Variants in DNAH9 observed in about 807,000 individuals in gnomAD.
The protein encoded by DNAH9 is DNAH9 variant protein.
A neutral mutation model predicts 471.6 loss-of-function variants in DNAH9; 345 were observed. The observed-to-expected ratio is 0.73, with a 90% CI of 0.67 to 0.80. The LOEUF (loss-of-function observed/expected upper bound fraction) is 0.80. Among genes scored for constraint, DNAH9 ranks in the 30% least tolerant of loss-of-function variants. The pLI, the probability that DNAH9 is intolerant of heterozygous loss-of-function variation, is 0.00. For missense variants in DNAH9, 5,407 were observed against 5,609.2 expected (o/e 0.96, Z 1.15); for synonymous variants, 2,093 against 2,123.6 (o/e 0.99, Z 0.40).
At chr17:11,771,797 A>C (rs1052042210) in intron 38 of DNAH9, among the ~76,000 whole-genome samples, 40 of 152,208 alleles carry the variant, frequency 2.6e-4, no homozygotes, top group African/African-American at 9.4e-4. Context: ...ACTAATAATA[A>C]TAATAATAGC....
intron 4 of DNAH9, among the ~76,000 whole-genome samples, chr17:11,613,849 TA>T (rs1343989770): frequency 4.6e-5 from 7 of 152,212 alleles, no homozygotes; most frequent in Non-Finnish European, 8.8e-5. Flanking sequence ...AAAGATGTAG[TA>T]AAAATATATT....
intron 54 of DNAH9, among the ~76,000 whole-genome samples, chr17:11,880,957 C>T (rs1466431660): frequency 6.6e-6 from 1 of 152,156 alleles, no homozygotes; most frequent in Non-Finnish European, 1.5e-5. Flanking sequence ...TACTAATCTA[C>T]ATTGACACAA....
At chr17:11,851,031 A>G (rs1329866817) in intron 49 of DNAH9, among the ~76,000 whole-genome samples, 1 of 152,168 alleles carries the variant, frequency 6.6e-6, no homozygotes, top group East Asian at 1.9e-4. Context: ...ATGGGAAATG[A>G]CTAAGAAGGG....
intron 14 of DNAH9, among the ~76,000 whole-genome samples, chr17:11,658,421 G>A (rs191980818): frequency 5.1e-4 from 78 of 152,124 alleles, no homozygotes; most frequent in African/African-American, 1.7e-3. Context: ...GTAAATTTAG[G>A]ATGATGATCT....
At chr17:11,853,855 T>G in intron 49 of DNAH9, 148 bp from the exon 50 acceptor site, 1 of 713,846 alleles carries the variant, frequency 1.4e-6, no homozygotes, top group Non-Finnish European at 2.3e-6. Context: ...TTCCTTTTGA[T>G]GAGTCATGAT....
In DNAH9 at chr17:11,678,117, A is replaced by G. The variant is rs532920920; in HGVS notation, c.3354-1640A>G. The stretch of plus-strand genomic sequence containing the variant: ...GTCGCCCAGGCTGGAGTGCAGTGGC[A>G]TGATCTCAACTCACTGCAACCTCTC... On this transcript the variant is annotated intron_variant, in intron 17 of 68. Transcript: ENST00000262442. 1.2e-4 allele frequency among the ~76,000 whole-genome samples: 18 copies of G among 152,156 alleles called. No homozygotes were observed. In the South Asian group the frequency reaches 3.7e-3, roughly 32 times the overall value.
intron 8 of DNAH9, among the ~76,000 whole-genome samples, chr17:11,633,246 T>C (rs745459700): frequency 1.3e-5 from 2 of 152,192 alleles, no homozygotes; most frequent in Non-Finnish European, 2.9e-5. Context: ...ACATGAAGAC[T>C]CAGTGGAGCA....
At position 11,679,881 on chromosome 17, in the gene DNAH9, A is replaced by T. The variant is rs2074105377; in HGVS notation, c.3478A>T (p.Ser1160Cys). 1 of 1,614,032 alleles carries T rather than the reference A, an allele frequency of 6.2e-7. No individual in the cohort carries two copies. Among genetic ancestry groups the T allele is most frequent in the African/African-American group, 1.3e-5 (1 of 74,934 alleles). Reference protein sequence around the residue: ...GHLMAVKERQSNTDEMFEPLK... With the variant: ...GHLMAVKERQCNTDEMFEPLK... ...CCTTATGGCTGTTAAAGAACGGCAG[A>T]GTAACACTGATGAGATGTTTGAGCC... Residue 1160 changes from serine (S) to cysteine (C), a missense_variant, in exon 18 of 69, where the codon AGT becomes TGT. Physicochemically the swap from Ser to Cys is moderately radical, Grantham distance 112 (BLOSUM62 -1). Transcript: ENST00000262442.
chr17:11,811,689 T>C (rs1405787122), intron 45 of DNAH9, among the ~76,000 whole-genome samples: 3 of 152,098 alleles, frequency 2.0e-5, no homozygotes, highest in South Asian at 2.1e-4. Flanking sequence ...TCCTACCTCG[T>C]CTCTACCTAG....
intron 14 of DNAH9, among the ~76,000 whole-genome samples, chr17:11,662,198 A>T (rs188104525): frequency 1.1e-4 from 16 of 152,256 alleles, no homozygotes; most frequent in Admixed American, 1.0e-3. Flanking sequence ...CTCTATATGT[A>T]ATGTATTATT....
chr17:11,868,359 T>G (rs1232733049), intron 50 of DNAH9, among the ~76,000 whole-genome samples: 1 of 152,150 alleles, frequency 6.6e-6, no homozygotes, highest in Non-Finnish European at 1.5e-5. Context: ...TGCACAGACC[T>G]GAGATGTATT....
At chr17:11,747,883 G>C (rs186996230) in intron 32 of DNAH9, 117 bp downstream of exon 32, 21 of 929,244 alleles carry the variant, frequency 2.3e-5, no homozygotes, top group African/African-American at 3.3e-5. Context: ...GTTTGGAACC[G>C]CGGAGGGAGA....
At chr17:11,701,288 T>TCCCATTAGGA in intron 24 of DNAH9, 41 bp downstream of exon 24, 1 of 1,605,788 alleles carries the variant, frequency 6.2e-7, no homozygotes, top group Admixed American at 1.7e-5. Flanking sequence ...TGGTTGGGGC[T>TCCCATTAGGA]GTCTTCCTCC....
intron 4 of DNAH9, chr17:11,612,551 T>A (rs2072660631): frequency 6.6e-6 from 1 of 152,272 alleles, no homozygotes; most frequent in Non-Finnish European, 1.5e-5. Flanking sequence ...AGCTCCATTC[T>A]GCATTTTCTA....
intron 66 of DNAH9, among the ~76,000 whole-genome samples, chr17:11,940,208 TGAAA>T (rs979933752): frequency 2.6e-5 from 4 of 152,236 alleles, no homozygotes; most frequent in Admixed American, 6.5e-5. Context: ...TCCTCCTATC[TGAAA>T]GAGTCTCTGG....
intron 28 of DNAH9, among the ~76,000 whole-genome samples, chr17:11,733,460 C>G (rs72810893): frequency 1.4e-3 from 216 of 152,330 alleles, no homozygotes; most frequent in Admixed American, 3.8e-3. Flanking sequence ...ATGTCATCCT[C>G]ATGCAAGAAA....
In DNAH9 at chr17:11,883,700, G is replaced by T. The variant is rs1028748221; in HGVS notation, c.10921G>T (p.Val3641Leu). 1 of 1,614,016 alleles carries T rather than the reference G, an allele frequency of 6.2e-7. No individual in the cohort carries two copies. The highest frequency in any genetic ancestry group is 1.3e-5 in the African/African-American group (1 of 74,930). ...SGNFLGETVL[V>L]ENLEITKQTA... ...GAACTTCCTGGGAGAAACAGTGCTGGTGGAAAACCTAGAGATCACCAAGCA... is the reference window on the plus strand; with the variant it reads ...GAACTTCCTGGGAGAAACAGTGCTGTTGGAAAACCTAGAGATCACCAAGCA... Residue 3641 changes from valine to leucine, a missense_variant, in exon 56 of 69, where the codon GTG becomes TTG. By Grantham distance (32) the Val-to-Leu change is conservative. Coordinates refer to ENST00000262442, the MANE Select transcript of DNAH9 (RefSeq NM_001372.4).
chr17:11,765,373 T>G (rs1401201917), intron 36 of DNAH9, among the ~76,000 whole-genome samples: 2 of 152,228 alleles, frequency 1.3e-5, no homozygotes, highest in East Asian at 3.8e-4. Context: ...GGTAGAAAGT[T>G]TCAGCCTCCC....
chr17:11,915,371 A>G (rs1973914224), intron 61 of DNAH9, among the ~76,000 whole-genome samples: 1 of 152,078 alleles, frequency 6.6e-6, no homozygotes. Flanking sequence ...TAAAACTACA[A>G]AAATTAGCCA....
Sources: gnomAD v4.1 joint callset for allele counts (sites outside exome capture counted in the v4.1 genomes callset) on GRCh38, gnomAD v4.1.1 for gene constraint, MANE v1.5 for transcripts, NCBI Gene and HGNC (gene_info 2026-07-23, HGNC 2026-07-21) for gene names.